The following TBX15 variants were observed in gnomAD, a reference collection of about 807,000 sequenced individuals.
The protein encoded by TBX15 is T-box transcription factor TBX15.
In TBX15, 18 loss-of-function variants were observed where a neutral mutation model predicts 53.9. That is an observed-to-expected ratio of 0.33 (90% CI 0.23 to 0.49). The LOEUF (loss-of-function observed/expected upper bound fraction) is 0.49. Ranked by LOEUF, TBX15 falls within the 20% of genes least tolerant of loss-of-function variation. The pLI, the probability that TBX15 is intolerant of heterozygous loss-of-function variation, is 0.98. For missense variants in TBX15, 692 were observed against 749.5 expected (o/e 0.92, Z 0.90); for synonymous variants, 295 against 278.0 (o/e 1.06, Z -0.61).
At chr1:118,941,372 A>G (rs1656170715) in intron 1 of TBX15, among the ~76,000 whole-genome samples, 1 of 152,194 alleles carries the variant, frequency 6.6e-6, no homozygotes, top group African/African-American at 2.4e-5. Flanking sequence ...TAATTTAACT[A>G]TGACTTCTGG....
intron 5 of TBX15, among the ~76,000 whole-genome samples, chr1:118,917,909 A>G (rs1012379479): frequency 3.3e-5 from 5 of 151,378 alleles, no homozygotes; most frequent in African/African-American, 1.2e-4. Flanking sequence ...ACCCATTCAC[A>G]CTCCCTTGCC....
At chr1:118,979,085 G>A (rs189549877) in intron 1 of TBX15, among the ~76,000 whole-genome samples, 25 of 152,162 alleles carry the variant, frequency 1.6e-4, no homozygotes, top group African/African-American at 5.8e-4. Flanking sequence ...AGGATGCATC[G>A]GGACAGGACT....
At chr1:118,943,563 T>A (rs1000530240) in intron 1 of TBX15, among the ~76,000 whole-genome samples, 1 of 151,952 alleles carries the variant, frequency 6.6e-6, no homozygotes, top group Non-Finnish European at 1.5e-5. Flanking sequence ...AAAAGAGGTA[T>A]ATTGGGTCTT....
chr1:118,946,989 C>T (rs1379172770), intron 1 of TBX15, among the ~76,000 whole-genome samples: 1 of 152,246 alleles, frequency 6.6e-6, no homozygotes, highest in Admixed American at 6.5e-5. Flanking sequence ...GTCTGCACAG[C>T]AAGTCTGCTG....
In TBX15 at chr1:118,980,259, G is replaced by A. The variant is rs927152930; in HGVS notation, c.205+7332C>T. Among the ~76,000 whole-genome samples the A allele has an allele frequency of 6.6e-5, 10 of 152,182 alleles. No homozygotes were observed. In the East Asian group the frequency reaches 1.2e-3, roughly 18 times the overall value. ...GAGTTTAAACTACACGCTCCCAGCTGTGGGATAGTAAAGAGAACGCAGCGG... is the reference window on the plus strand; with the variant it reads ...GAGTTTAAACTACACGCTCCCAGCTATGGGATAGTAAAGAGAACGCAGCGG... On this transcript the variant is annotated intron_variant, in intron 1 of 7. Transcript: ENST00000369429.
chr1:118,941,469 A>G (rs992661249), intron 1 of TBX15, among the ~76,000 whole-genome samples: 3 of 152,204 alleles, frequency 2.0e-5, no homozygotes, highest in East Asian at 1.9e-4. Flanking sequence ...AAATGATCCC[A>G]GGAGACCACC....
At chr1:118,968,085 G>A (rs780148049) in intron 1 of TBX15, among the ~76,000 whole-genome samples, 70 of 152,128 alleles carry the variant, frequency 4.6e-4, no homozygotes, top group African/African-American at 1.3e-3. Context: ...TACAGTTTCC[G>A]GAGCACTGTG....
At chr1:118,901,830 C>A (rs975153203) in intron 6 of TBX15, among the ~76,000 whole-genome samples, 4 of 152,112 alleles carry the variant, frequency 2.6e-5, no homozygotes, top group Non-Finnish European at 5.9e-5. Flanking sequence ...CACAAGGAGT[C>A]CACCTGCCAC....
intron 6 of TBX15, among the ~76,000 whole-genome samples, chr1:118,905,807 T>C (rs1051976119): frequency 2.0e-5 from 3 of 152,160 alleles, no homozygotes; most frequent in African/African-American, 7.2e-5. Flanking sequence ...AGATAGACAC[T>C]TGAGATGTCA....
chr1:118,897,474 A>G (rs1654469430), intron 7 of TBX15, among the ~76,000 whole-genome samples: 1 of 152,194 alleles, frequency 6.6e-6, no homozygotes, highest in Non-Finnish European at 1.5e-5. Context: ...GCTTAGCTAG[A>G]GCTTGGAAAG....
chr1:118,975,257 T>A (rs1456393860), intron 1 of TBX15, among the ~76,000 whole-genome samples: 1 of 152,172 alleles, frequency 6.6e-6, no homozygotes, highest in East Asian at 1.9e-4. Flanking sequence ...GACCATGGCT[T>A]AGAAAACAAC....
chr1:118,905,034 C>T (rs1779426), intron 6 of TBX15, among the ~76,000 whole-genome samples: 2 of 152,188 alleles, frequency 1.3e-5, no homozygotes, highest in African/African-American at 2.4e-5. Flanking sequence ...AGAGAGAAAA[C>T]ATAATGAAAG....
chr1:118,886,755 G>A (rs1224384668), intron 7 of TBX15, among the ~76,000 whole-genome samples: 1 of 152,212 alleles, frequency 6.6e-6, no homozygotes, highest in African/African-American at 2.4e-5. Context: ...CTCTGATTCT[G>A]TAAGTCTGGG....
Position 118,913,995 on chromosome 1 carries a change from T to G in TBX15, c.926+120A>C, listed in dbSNP as rs1655108028. The G allele has an allele frequency of 4.2e-6, 4 of 951,826 alleles. No homozygotes were observed. The South Asian group carries it at 5.4e-5, about 13-fold the overall frequency. 59.0% of individuals were successfully genotyped at this position (951,826 alleles called of 1,614,324 possible). On this transcript the variant is annotated intron_variant, in intron 6 of 7. Transcript: ENST00000369429. ...AGCTATCCATTTCTCTTTGCCGAAG[T>G]GTACACAGTGGCGGAGCATACAGGT... is the stretch of plus-strand genomic sequence containing the variant.
At chr1:118,905,134 A>G (rs1654770214) in intron 6 of TBX15, among the ~76,000 whole-genome samples, 1 of 152,200 alleles carries the variant, frequency 6.6e-6, no homozygotes, top group South Asian at 2.1e-4. Flanking sequence ...CTCTTACTTC[A>G]CTGAAATCCA....
intron 6 of TBX15, among the ~76,000 whole-genome samples, chr1:118,913,010 C>A (rs1289022444): frequency 6.6e-6 from 1 of 151,974 alleles, no homozygotes; most frequent in African/African-American, 2.4e-5. Context: ...TTTAAATATA[C>A]ATAAGTTTAG....
intron 2 of TBX15, among the ~76,000 whole-genome samples, chr1:118,927,072 T>G (rs1487741756): frequency 6.6e-6 from 1 of 152,184 alleles, no homozygotes; most frequent in Non-Finnish European, 1.5e-5. Flanking sequence ...AATTCTAATG[T>G]CCTCTAATTC....
intron 1 of TBX15, among the ~76,000 whole-genome samples, chr1:118,965,871 A>G (rs1031702881): frequency 6.6e-6 from 1 of 152,198 alleles, no homozygotes; most frequent in Non-Finnish European, 1.5e-5. Context: ...AAAGGTTTGT[A>G]TATATACATA....
chr1:118,904,532 T>C (rs1049459358), intron 6 of TBX15, among the ~76,000 whole-genome samples: 11 of 152,204 alleles, frequency 7.2e-5, no homozygotes, highest in Non-Finnish European at 1.0e-4. Context: ...CTGTCATTAA[T>C]GTGCCTTGCA....
Sources: allele counts gnomAD v4.1 joint callset (sites outside exome capture counted in the v4.1 genomes callset), GRCh38; gene constraint gnomAD v4.1.1; transcripts MANE v1.5; gene names NCBI Gene and HGNC (gene_info 2026-07-23, HGNC 2026-07-21).